The following NET1 variants were observed in gnomAD, a reference collection of about 807,000 sequenced individuals.
The protein encoded by NET1 is neuroepithelial cell transforming 1.
In NET1, 42 loss-of-function variants were observed where a neutral mutation model predicts 61.1. The observed-to-expected ratio is 0.69, with a 90% CI of 0.54 to 0.89. The LOEUF (loss-of-function observed/expected upper bound fraction) is 0.89. NET1 is among the 40% of genes least tolerant of loss of function. NET1 has a pLI of 0.00. For synonymous variants in NET1, 254 were observed against 281.8 expected, an observed-to-expected ratio of 0.90 and a Z score of 0.99; for missense variants, 654 against 747.3, an observed-to-expected ratio of 0.88 and a Z score of 1.46.
Position 5,455,056 on chromosome 10 carries a change from C to G in NET1, c.1135C>G (p.Pro379Ala). 6.2e-7 allele frequency: 1 copy of G among 1,614,002 alleles called. No homozygotes were observed. The highest frequency in any genetic ancestry group is 8.5e-7 in the Non-Finnish European group (1 of 1,180,018). The change falls in exon 10 of 12, where the codon CCC (proline) becomes GCC (alanine). Residue 379 changes from proline to alanine, a missense_variant. Physicochemically the swap from Pro to Ala is conservative, Grantham distance 27. Transcript: ENST00000355029. This position sits in a 1 kb window ranked among gnomAD's most constrained non-coding sequence, Gnocchi z 6.5. ...LEYLDEKQRDPRIEASKVLLC... is the reference protein window; with the variant it reads ...LEYLDEKQRDARIEASKVLLC... ...GTACCTGGATGAAAAGCAGAGGGAC[C>G]CCAGAATCGAAGCGAGCAAAGTGCT...
chr10:5,413,782 A>AC (rs1832039421), intron 1 of NET1, among the ~76,000 whole-genome samples: 1 of 152,164 alleles, frequency 6.6e-6, no homozygotes, highest in Admixed American at 6.5e-5. Flanking sequence ...TTGAGAAGAG[A>AC]ATGTGCGATT....
Position 5,423,477 on chromosome 10 carries a change from C to A in NET1, c.129-3178C>A, listed in dbSNP as rs950835189. On this transcript the variant is annotated intron_variant, in intron 1 of 11. Transcript: ENST00000355029. This position sits in a 1 kb window ranked among gnomAD's most constrained non-coding sequence, Gnocchi z 4.4. ...CATACCAAATGATATGAAAGGAAAA[C>A]ATTAAAGGCCAAGGAAAATCTACAG... Among the ~76,000 whole-genome samples the A allele has an allele frequency of 1.3e-5, 2 of 152,042 alleles. No homozygotes were observed. Among genetic ancestry groups the A allele is most frequent in the Non-Finnish European group, 2.9e-5 (2 of 67,988 alleles).
rs1230359318 is a variant in NET1 at position 5,446,920 on chromosome 10, A to C, written c.256-4910A>C. On this transcript the variant is annotated intron_variant, in intron 3 of 11. Coordinates refer to ENST00000355029, the MANE Select transcript of NET1 (RefSeq NM_001047160.3). The surrounding 1 kb of genome is among the most constrained non-coding windows in gnomAD (Gnocchi z 5.0). The stretch of plus-strand genomic sequence containing the variant: ...TTTTCTAACTCCACGGAGCTTTTAA[A>C]ATTTTTAACAAGGTATTAACAGTAT... 4.3e-6 allele frequency: 6 copies of C among 1,390,956 alleles called. No individual in the cohort carries two copies. The African/African-American group carries it at 4.3e-5, about 10-fold the overall frequency. 86.2% of individuals were successfully genotyped at this position (1,390,956 alleles called of 1,614,324 possible).
intron 3 of NET1, among the ~76,000 whole-genome samples, chr10:5,436,187 TGTGTGTGTGTGTG>T (rs1832429878): frequency 6.7e-5 from 1 of 14,948 alleles, no homozygotes; most frequent in African/African-American, 2.8e-4. Flanking sequence ...GTGTGTGTGT[TGTGTGTGTGTGTG>T]TGTGTGTGTG....
rs1044381217 is a variant in NET1, at chr10:5,458,704, A to G, written c.*1710A>G. On this transcript the variant is annotated 3_prime_UTR_variant, in exon 12 of 12. Coordinates refer to ENST00000355029, the MANE Select transcript of NET1 (RefSeq NM_001047160.3). The surrounding 1 kb of genome is among the most constrained non-coding windows in gnomAD (Gnocchi z 4.5). Reference sequence around the variant, plus strand: ...TAACTGAACACCTGTTACTTTCTGGATAGGATAGTAAGGGTAGTAGTGGCA... The same window carrying G: ...TAACTGAACACCTGTTACTTTCTGGGTAGGATAGTAAGGGTAGTAGTGGCA... Among the ~76,000 whole-genome samples the G allele has an allele frequency of 6.6e-6, 1 of 152,176 alleles. No homozygotes were observed. Among genetic ancestry groups the G allele is most frequent in the Admixed American group, 6.5e-5 (1 of 15,278 alleles).
Position 5,456,938 on chromosome 10 carries a change from C to T in NET1, c.1735C>T (p.Arg579Ter), listed in dbSNP as rs926523708. The change falls in exon 12 of 12, where the codon CGA becomes TGA. Residue 579 changes from arginine to a stop codon, truncating the protein, a stop_gained. Coordinates refer to ENST00000355029, the MANE Select transcript of NET1 (RefSeq NM_001047160.3). LOFTEE classifies it high-confidence loss of function. The surrounding 1 kb of genome is among the most constrained non-coding windows in gnomAD (Gnocchi z 7.0). ...GACACACCAGACACAGCCCGGCATC[C>T]GAAGAGCGAGGGACAAAGCCCTTTC... ...LKTHQTQPGI[R>*]RARDKALSGG... 3.7e-6 allele frequency: 6 copies of T among 1,605,230 alleles called. No individual in the cohort carries two copies. The highest frequency in any genetic ancestry group is 4.5e-5 in the East Asian group (2 of 44,778).
Position 5,457,000 on chromosome 10 carries a change from G to T in NET1, c.*6G>T, listed in dbSNP as rs371529601. 39 of 1,537,012 alleles carry T rather than the reference G, an allele frequency of 2.5e-5. No individual in the cohort carries two copies. In the East Asian group the frequency reaches 7.7e-4, roughly 30 times the overall value. ...GGAAAGAGACTTTGGTGTAGAGAAG[G>T]CTCTGTGTGTTAACTGATGGGAGAG... is the stretch of plus-strand genomic sequence containing the variant. On this transcript the variant is annotated 3_prime_UTR_variant, in exon 12 of 12. Coordinates refer to ENST00000355029, the MANE Select transcript of NET1 (RefSeq NM_001047160.3). This position sits in a 1 kb window ranked among gnomAD's most constrained non-coding sequence, Gnocchi z 7.0.
rs780438358 is a variant in NET1 at position 5,451,432 on chromosome 10, G to A, written c.256-398G>A. On this transcript the variant is annotated intron_variant, in intron 3 of 11. Transcript: ENST00000355029. The surrounding 1 kb of genome is among the most constrained non-coding windows in gnomAD (Gnocchi z 6.1). Reference sequence around the variant, plus strand: ...ATACCAGACACTGTGGAGGCCCCTCGATAGACACATGGGATCCATTATGCC... The same window carrying A: ...ATACCAGACACTGTGGAGGCCCCTCAATAGACACATGGGATCCATTATGCC... Among the ~76,000 whole-genome samples the A allele has an allele frequency of 1.3e-5, 2 of 151,350 alleles. No homozygotes were observed. The highest frequency in any genetic ancestry group is 4.9e-5 in the African/African-American group (2 of 41,132).
At chr10:5,413,044 G>GC (rs1331300412) in intron 1 of NET1, among the ~76,000 whole-genome samples, 1 of 135,932 alleles carries the variant, frequency 7.4e-6, no homozygotes, top group Non-Finnish European at 1.6e-5. Context: ...GTTGGGGGGG[G>GC]GGACGGGGGC....
chr10:5,429,735 A>G (rs1365381276), intron 3 of NET1, among the ~76,000 whole-genome samples: 3 of 152,222 alleles, frequency 2.0e-5, no homozygotes, highest in Non-Finnish European at 4.4e-5. Context: ...ATAAACTAAC[A>G]CTCAGCACAC....
rs1832157241 is a variant in NET1, at chr10:5,420,612, T to G, written c.129-6043T>G. Among the ~76,000 whole-genome samples, 1 of 152,104 alleles carries G rather than the reference T, an allele frequency of 6.6e-6. No individual in the cohort carries two copies. ...TTTTTATTTTATTTTTTTATTTATTTTTGAGATGGAGTCTTGCTCTGTCGC... is the reference window on the plus strand; with the variant it reads ...TTTTTATTTTATTTTTTTATTTATTGTTGAGATGGAGTCTTGCTCTGTCGC... On this transcript the variant is annotated intron_variant, in intron 1 of 11. Transcript: ENST00000355029. This position sits in a 1 kb window ranked among gnomAD's most constrained non-coding sequence, Gnocchi z 5.3.
rs1339832184 is a variant in NET1 at position 5,437,644 on chromosome 10, T to C, written c.255+8415T>C. 2.1e-5 allele frequency among the ~76,000 whole-genome samples: 3 copies of C among 143,000 alleles called. No individual in the cohort carries two copies. The highest frequency in any genetic ancestry group is 7.8e-5 in the African/African-American group (3 of 38,272). 93.8% of individuals were successfully genotyped at this position (143,000 alleles called of 152,430 possible). A position where few individuals can be genotyped will look rare whatever the true frequency, so the allele number is the denominator to read the frequency against. On this transcript the variant is annotated intron_variant, in intron 3 of 11. Transcript: ENST00000355029. This position sits in a 1 kb window ranked among gnomAD's most constrained non-coding sequence, Gnocchi z 4.3. ...GATAATATTCATAACCGAGTACCCT[T>C]TTCAACTCTGTATTTTCCCTAGTAT...
At chr10:5,450,338 T>C (rs1359778672) in intron 3 of NET1, among the ~76,000 whole-genome samples, 1 of 152,188 alleles carries the variant, frequency 6.6e-6, no homozygotes, top group Non-Finnish European at 1.5e-5. Flanking sequence ...GGAGCTTTAA[T>C]GAGTCTAATT....
Position 5,453,426 on chromosome 10 carries a change from G to T in NET1, c.692-58G>T, listed in dbSNP as rs1202626956. The T allele has an allele frequency of 6.3e-7, 1 of 1,587,866 alleles. No individual in the cohort carries two copies. The highest frequency in any genetic ancestry group is 8.6e-7 in the Non-Finnish European group (1 of 1,156,172). ...TTTCAGTCTAAACTTCTAATGTAGT[G>T]CTGACCTATTTTTTAAATAAACCTG... On this transcript the variant is annotated intron_variant, in intron 7 of 11. Transcript: ENST00000355029. The surrounding 1 kb of genome is among the most constrained non-coding windows in gnomAD (Gnocchi z 4.9).
At position 5,439,452 on chromosome 10, in the gene NET1, TATATACTG is replaced by T. The variant is rs1190822054; in HGVS notation, c.255+10226_255+10233del. 2.0e-5 allele frequency among the ~76,000 whole-genome samples: 3 copies of T among 152,200 alleles called. No homozygotes were observed. Among genetic ancestry groups the T allele is most frequent in the African/African-American group, 7.2e-5 (3 of 41,438 alleles). On this transcript the variant is annotated intron_variant, in intron 3 of 11. Transcript: ENST00000355029. The surrounding 1 kb of genome is among the most constrained non-coding windows in gnomAD (Gnocchi z 4.8). ...GGCAGTCTGGGCCATCTGTTCATGT[TATATACTG>T]ATGCCCTTTGGTCTTCCTTAAGCCA...
Position 5,447,489 on chromosome 10 carries a change from TTC to T in NET1, c.256-4339_256-4338del, listed in dbSNP as rs1274603652. 6.6e-6 allele frequency among the ~76,000 whole-genome samples: 1 copy of T among 152,242 alleles called. No homozygotes were observed. The highest frequency in any genetic ancestry group is 2.4e-5 in the African/African-American group (1 of 41,456). ...AATCTTGATTTAACATTGTGTGATA[TTC>T]TGTTTATACTATATACTTTAATATA... On this transcript the variant is annotated intron_variant, in intron 3 of 11. Coordinates refer to ENST00000355029, the MANE Select transcript of NET1 (RefSeq NM_001047160.3). This position sits in a 1 kb window ranked among gnomAD's most constrained non-coding sequence, Gnocchi z 4.1.
At position 5,452,888 on chromosome 10, in the gene NET1, G is replaced by T; in HGVS notation, c.562G>T (p.Asp188Tyr). 6.2e-7 allele frequency: 1 copy of T among 1,613,636 alleles called. No homozygotes were observed. The highest frequency in any genetic ancestry group is 8.5e-7 in the Non-Finnish European group (1 of 1,179,702). Residue 188 changes from aspartate to tyrosine, a missense_variant, in exon 6 of 12, where the codon GAT (aspartate) becomes TAT (tyrosine). Coordinates refer to ENST00000355029, the MANE Select transcript of NET1 (RefSeq NM_001047160.3). The surrounding 1 kb of genome is among the most constrained non-coding windows in gnomAD (Gnocchi z 4.0). Reference sequence around the variant, plus strand: ...ATATGAAATGTCCCGAGGTGAACAGGATTTAATTGAGGATCTCAAACTTGC... The same window carrying T: ...ATATGAAATGTCCCGAGGTGAACAGTATTTAATTGAGGATCTCAAACTTGC... Reference protein sequence around the residue: ...AIYEMSRGEQDLIEDLKLARK... With the variant: ...AIYEMSRGEQYLIEDLKLARK...
In NET1 at chr10:5,456,324, G is replaced by T; in HGVS notation, c.1384+51G>T. ...AAAGAAATAGAAGCTCAGAACTGAA[G>T]TGAATTTAGTTTTGCCTTTAAGAAT... On this transcript the variant is annotated intron_variant, in intron 11 of 11. Transcript: ENST00000355029. This position sits in a 1 kb window ranked among gnomAD's most constrained non-coding sequence, Gnocchi z 7.0. 1.4e-6 allele frequency: 2 copies of T among 1,468,044 alleles called. No homozygotes were observed. Among genetic ancestry groups the T allele is most frequent in the South Asian group, 2.6e-5 (2 of 75,756 alleles). 90.9% of individuals were successfully genotyped at this position (1,468,044 alleles called of 1,614,324 possible). A position where few individuals can be genotyped will look rare whatever the true frequency, so the allele number is the denominator to read the frequency against.
chr10:5,430,902 C>T (rs1197437735), intron 3 of NET1, among the ~76,000 whole-genome samples: 46 of 140,584 alleles, frequency 3.3e-4, no homozygotes, highest in African/African-American at 1.1e-3. Flanking sequence ...GACAGAGTCT[C>T]GCTCTTTTGC....
Sources: allele counts gnomAD v4.1 joint callset (sites outside exome capture counted in the v4.1 genomes callset), GRCh38; gene constraint gnomAD v4.1.1; non-coding constraint Gnocchi (gnomAD v3.1); transcripts MANE v1.5; gene names NCBI Gene and HGNC (gene_info 2026-07-23, HGNC 2026-07-21).